Variants in TCEA2 observed in about 807,000 individuals in gnomAD.
The protein encoded by TCEA2 is transcription elongation factor A2.
In TCEA2, 21 loss-of-function variants were observed where a neutral mutation model predicts 40.8. The ratio of observed to expected loss-of-function variants is 0.51; its 90% CI spans 0.36 to 0.74. TCEA2 has a LOEUF of 0.74. Ranked by LOEUF, TCEA2 falls within the 30% of genes least tolerant of loss-of-function variation. TCEA2 has a pLI of 0.00. For missense variants in TCEA2, 326 were observed against 426.5 expected, an observed-to-expected ratio of 0.76 and a Z score of 2.08; for synonymous variants, 165 against 162.7, an observed-to-expected ratio of 1.01 and a Z score of -0.11.
At chr20:64,061,328 T>G (rs2059561571), upstream of TCEA2, among the ~76,000 whole-genome samples, 1 of 151,246 alleles carries the variant, frequency 6.6e-6, no homozygotes, top group Non-Finnish European at 1.5e-5. Flanking sequence ...CAGGCTGGAG[T>G]GCAGTGGCAT....
chr20:64,065,197 CAG>C (rs547024992), intron 1 of TCEA2, among the ~76,000 whole-genome samples: 82 of 152,222 alleles, frequency 5.4e-4, no homozygotes, highest in African/African-American at 1.9e-3. Context: ...GCAGGGCTTT[CAG>C]GGGACAGTGG....
Position 64,070,340 on chromosome 20 carries a change from A to G in TCEA2, c.598A>G (p.Lys200Glu). The part of the protein sequence containing the change: ...RSRISNLKDA[K>E]NPDLRRNVLC... ...TCGTATCTCCAACCTGAAGGATGCC[A>G]AGAACCCTGACCTGCGGCGGAATGT... Residue 200 changes from lysine (K) to glutamate (E), a missense_variant, in exon 7 of 10, where the codon AAG becomes GAG. Lys to Glu is a moderately conservative substitution (Grantham distance 56). Coordinates refer to ENST00000343484, the MANE Select transcript of TCEA2 (RefSeq NM_003195.6). 6.2e-7 allele frequency: 1 copy of G among 1,614,248 alleles called. No homozygotes were observed.
At chr20:64,068,280 T>G in intron 4 of TCEA2, 146 bp downstream of exon 4, 1 of 733,316 alleles carries the variant, frequency 1.4e-6, no homozygotes, top group Non-Finnish European at 2.3e-6. Flanking sequence ...ACCAGCCTTG[T>G]GGTGTGTCCC....
chr20:64,068,018 G>A, intron 3 of TCEA2, 29 bp from the exon 4 acceptor site: 1 of 1,572,516 alleles, frequency 6.4e-7, no homozygotes, highest in Non-Finnish European at 8.7e-7. Context: ...GCCTCCCCTT[G>A]ATCAGCCCAT....
At chr20:64,061,267 A>ATTT (rs71197442), upstream of TCEA2, among the ~76,000 whole-genome samples, 1 of 144,514 alleles carries the variant, frequency 6.9e-6, no homozygotes. Flanking sequence ...CGCCCGGCTA[A>ATTT]TTTTTTTTTT....
upstream of TCEA2, among the ~76,000 whole-genome samples, chr20:64,060,514 AGTG>A (rs1369088599): frequency 1.3e-5 from 2 of 152,148 alleles, no homozygotes; most frequent in Non-Finnish European, 2.9e-5. Flanking sequence ...CCATTGAGAC[AGTG>A]GTTGAAGGCT....
intron 4 of TCEA2, among the ~76,000 whole-genome samples, chr20:64,069,150 C>T (rs1466427829): frequency 6.6e-6 from 1 of 152,236 alleles, no homozygotes; most frequent in Non-Finnish European, 1.5e-5. Context: ...CCTCATGGCC[C>T]TCTCCCTCCT....
chr20:64,072,144 G>C, intron 9 of TCEA2, 28 bp from the exon 10 acceptor site: 1 of 1,613,360 alleles, frequency 6.2e-7, no homozygotes. Context: ...TGGCCACAAG[G>C]CTGGAGGCCT....
chr20:64,061,096 C>CTTTTT (rs71197441), upstream of TCEA2, among the ~76,000 whole-genome samples: 172 of 60,504 alleles, frequency 2.8e-3, 7 homozygotes, highest in Middle Eastern at 0.02. Context: ...CAGCCTGAGT[C>CTTTTT]TTTTTTTTTT....
chr20:64,063,118 A>T, upstream of TCEA2: 5 of 321,010 alleles, frequency 1.6e-5, no homozygotes, highest in Non-Finnish European at 2.1e-5. Flanking sequence ...CGGGCGCGGC[A>T]GGCGGGCGCG....
intron 3 of TCEA2, among the ~76,000 whole-genome samples, chr20:64,067,572 C>T (rs2059725818): frequency 6.6e-6 from 1 of 152,160 alleles, no homozygotes; most frequent in Admixed American, 6.5e-5. Flanking sequence ...TGGAGGCAAC[C>T]CTCCTAGCTC....
intron 1 of TCEA2, 153 bp from the exon 2 acceptor site, chr20:64,066,323 G>T: frequency 1.2e-6 from 1 of 805,984 alleles, no homozygotes; most frequent in South Asian, 1.6e-5. Flanking sequence ...AGAGCCCTGG[G>T]TGTCTCCAGG....
In TCEA2 at chr20:64,069,370, G is replaced by A. The variant is rs1185466637; in HGVS notation, c.339G>A (p.Arg113=). ...ASEAPDPSRK[R]PELPRAPSTP... The stretch of plus-strand genomic sequence containing the variant: ...CCCTGGCTCTCTGCAGCCGCAAGAG[G>A]CCGGAGCTGCCCAGGGCACCGTCGA... Residue 113 remains arginine (R), a synonymous_variant, in exon 5 of 10, where the codon AGG becomes AGA. Transcript: ENST00000343484. 2 of 1,588,818 alleles carry A rather than the reference G, an allele frequency of 1.3e-6. No individual in the cohort carries two copies. Among genetic ancestry groups the A allele is most frequent in the Admixed American group, 3.6e-5 (2 of 56,042 alleles).
At chr20:64,064,743 C>T (rs2059647556) in intron 1 of TCEA2, among the ~76,000 whole-genome samples, 1 of 152,112 alleles carries the variant, frequency 6.6e-6, no homozygotes, top group Non-Finnish European at 1.5e-5. Flanking sequence ...GGGGTGGGCT[C>T]CCACTCATTC....
upstream of TCEA2, among the ~76,000 whole-genome samples, chr20:64,060,207 C>T (rs1430721322): frequency 2.6e-5 from 4 of 152,206 alleles, no homozygotes; most frequent in Non-Finnish European, 5.9e-5. Context: ...GCAGCCCTTA[C>T]CAGCATCTCA....
chr20:64,072,181 C>A lies in TCEA2; in HGVS notation c.*1C>A, dbSNP rs1440587679. ...ACCCCCTTTCTCGCAGTTCTGCTGA[C>A]CCCTCGTGTAGATGTGCTGCAGCCT... On this transcript the variant is annotated 3_prime_UTR_variant, in exon 10 of 10. Transcript: ENST00000343484. The A allele has an allele frequency of 1.2e-6, 2 of 1,613,698 alleles. No homozygotes were observed. The highest frequency in any genetic ancestry group is 1.7e-6 in the Non-Finnish European group (2 of 1,179,810).
intron 8 of TCEA2, 120 bp from the exon 9 acceptor site, chr20:64,071,750 C>T: frequency 8.2e-7 from 1 of 1,217,588 alleles, no homozygotes; most frequent in Non-Finnish European, 1.1e-6. Flanking sequence ...ACGAGGCGGC[C>T]TCGGATCAGG....
upstream of TCEA2, among the ~76,000 whole-genome samples, chr20:64,056,311 C>T (rs896655375): frequency 7.9e-5 from 12 of 152,202 alleles, no homozygotes; most frequent in African/African-American, 2.9e-4. Flanking sequence ...TCCCCATCCC[C>T]TGCCCTCCTC....
At chr20:64,067,426 C>T (rs919919910) in intron 3 of TCEA2, among the ~76,000 whole-genome samples, 1 of 152,132 alleles carries the variant, frequency 6.6e-6, no homozygotes, top group Admixed American at 6.5e-5. Context: ...AGGGCCACCT[C>T]AGCTACTCAG....
Sources: allele counts gnomAD v4.1 joint callset (sites outside exome capture counted in the v4.1 genomes callset), GRCh38; gene constraint gnomAD v4.1.1; transcripts MANE v1.5; gene names NCBI Gene and HGNC (gene_info 2026-07-23, HGNC 2026-07-21).